CAMK1D: variants seen among roughly 807,000 people sequenced by gnomAD.
The protein encoded by CAMK1D is calcium/calmodulin-dependent protein kinase type 1D.
In CAMK1D, 9 loss-of-function variants were observed where a neutral mutation model predicts 47.7. The observed-to-expected ratio is 0.19, with a 90% CI of 0.11 to 0.33. CAMK1D has a LOEUF of 0.33. Ranked by LOEUF, CAMK1D falls within the 10% of genes least tolerant of loss-of-function variation. The pLI is 1.00. For missense variants in CAMK1D, 291 were observed against 488.7 expected, an observed-to-expected ratio of 0.60 and a Z score of 3.81; for synonymous variants, 184 against 184.9, an observed-to-expected ratio of 0.99 and a Z score of 0.04.
At position 12,373,956 on chromosome 10, in the gene CAMK1D, C is replaced by A. The variant is rs377323012; in HGVS notation, c.92+24046C>A. On this transcript the variant is annotated intron_variant, in intron 1 of 10. Transcript: ENST00000619168. ...TGGGCAAGACAGCGACACTCTTTAT[C>A]AAAAAAAAAAAAAAAAAAAAAGTCC... Among the ~76,000 whole-genome samples, 330 of 86,086 alleles carry A rather than the reference C, an allele frequency of 3.8e-3. 1 individual carries two copies. The highest frequency in any genetic ancestry group is 5.9e-3 in the Non-Finnish European group (270 of 45,646). The allele number at this position is 86,086 out of a possible 152,430, so 56.5% of individuals were successfully genotyped here. A position where few individuals can be genotyped will look rare whatever the true frequency, so the allele number is the denominator to read the frequency against.
intron 1 of CAMK1D, among the ~76,000 whole-genome samples, chr10:12,413,453 C>G (rs1839734265): frequency 7.1e-5 from 3 of 42,338 alleles, no homozygotes; most frequent in African/African-American, 2.8e-4. Context: ...AGAAGTCAGG[C>G]CCTGTTCTCT....
intron 4 of CAMK1D, among the ~76,000 whole-genome samples, chr10:12,766,765 G>T (rs902006902): frequency 2.6e-5 from 4 of 152,058 alleles, no homozygotes; most frequent in African/African-American, 9.6e-5. Flanking sequence ...GGGTGGGGTG[G>T]GTGAAGAACT....
At chr10:12,434,276 G>A (rs1832567231) in intron 1 of CAMK1D, among the ~76,000 whole-genome samples, 1 of 152,220 alleles carries the variant, frequency 6.6e-6, no homozygotes, top group South Asian at 2.1e-4. Flanking sequence ...AGTGTTTGGG[G>A]TTTGGAGTCA....
chr10:12,730,141 C>G (rs1225053624), intron 3 of CAMK1D, among the ~76,000 whole-genome samples: 1 of 152,108 alleles, frequency 6.6e-6, no homozygotes, highest in Admixed American at 6.6e-5. Flanking sequence ...CGGCAGTGAC[C>G]CAGTGACCGA....
chr10:12,670,714 T>C (rs1840588912), intron 3 of CAMK1D, among the ~76,000 whole-genome samples: 1 of 152,054 alleles, frequency 6.6e-6, no homozygotes, highest in Non-Finnish European at 1.5e-5. Flanking sequence ...TGCCCAGCTA[T>C]TTTTTGTATT....
chr10:12,589,214 A>G (rs1368199510), intron 2 of CAMK1D, among the ~76,000 whole-genome samples: 2 of 152,122 alleles, frequency 1.3e-5, no homozygotes, highest in Non-Finnish European at 2.9e-5. Context: ...GGGTTTCACC[A>G]TGTTGCCCAG....
intron 3 of CAMK1D, among the ~76,000 whole-genome samples, chr10:12,718,143 C>A (rs1425870759): frequency 4.6e-5 from 7 of 152,118 alleles, no homozygotes; most frequent in Non-Finnish European, 4.4e-5. Flanking sequence ...GCTCGTCAAA[C>A]CCGTGTGTCA....
intron 5 of CAMK1D, among the ~76,000 whole-genome samples, chr10:12,788,536 G>A (rs1428832295): frequency 1.3e-5 from 2 of 152,246 alleles, no homozygotes; most frequent in Non-Finnish European, 2.9e-5. Flanking sequence ...AGCCTTCTCT[G>A]CCTCAGGGAC....
intron 1 of CAMK1D, among the ~76,000 whole-genome samples, chr10:12,425,422 T>C (rs1418899229): frequency 6.6e-6 from 1 of 151,890 alleles, no homozygotes; most frequent in Non-Finnish European, 1.5e-5. Flanking sequence ...GCTGAGACTA[T>C]ACACGTGTGC....
chr10:12,558,158 G>A (rs1268164492), intron 2 of CAMK1D, among the ~76,000 whole-genome samples: 2 of 152,156 alleles, frequency 1.3e-5, no homozygotes, highest in African/African-American at 2.4e-5. Flanking sequence ...TATTTTATGC[G>A]GTATGGAATA....
intron 3 of CAMK1D, among the ~76,000 whole-genome samples, chr10:12,720,718 T>C (rs1834337051): frequency 6.6e-6 from 1 of 152,178 alleles, no homozygotes; most frequent in African/African-American, 2.4e-5. Context: ...AGTGAGAAGA[T>C]TATTTTTCCC....
At chr10:12,693,948 A>C (rs367574109) in intron 3 of CAMK1D, among the ~76,000 whole-genome samples, 6 of 76,798 alleles carry the variant, frequency 7.8e-5, no homozygotes, top group Middle Eastern at 6.5e-3. Context: ...TAAAATATAT[A>C]ATATATATTA....
chr10:12,514,745 C>T lies in CAMK1D; in HGVS notation c.93-38480C>T, dbSNP rs141194568. The stretch of plus-strand genomic sequence containing the variant: ...GCTTGAAAGAAGAAATGATATTATT[C>T]GCTTTCCCCACTCAATAAGAAGTGT... On this transcript the variant is annotated intron_variant, in intron 1 of 10. Transcript: ENST00000619168. Among the ~76,000 whole-genome samples, 537 of 152,348 alleles carry T rather than the reference C, an allele frequency of 3.5e-3. 3 individuals carry two copies. The highest frequency in any genetic ancestry group is 3.8e-3 in the Non-Finnish European group (260 of 68,028).
chr10:12,558,663 G>A (rs1367168900), intron 2 of CAMK1D, among the ~76,000 whole-genome samples: 1 of 152,092 alleles, frequency 6.6e-6, no homozygotes, highest in Admixed American at 6.5e-5. Flanking sequence ...AAGAGAGAGG[G>A]GGATGCATAG....
intron 2 of CAMK1D, among the ~76,000 whole-genome samples, chr10:12,626,504 C>T (rs1204345101): frequency 7.2e-6 from 1 of 139,162 alleles, no homozygotes; most frequent in Non-Finnish European, 1.5e-5. Flanking sequence ...GATGGAGTCT[C>T]ATTCTGTCTC....
chr10:12,625,485 C>T (rs917540599), intron 2 of CAMK1D, among the ~76,000 whole-genome samples: 5 of 151,058 alleles, frequency 3.3e-5, no homozygotes, highest in African/African-American at 1.2e-4. Context: ...CAGGCATGCA[C>T]CACCACGCCT....
intron 1 of CAMK1D, among the ~76,000 whole-genome samples, chr10:12,361,248 G>GTTTTTTTTTTTTTTTTTTTTT (rs55700646): frequency 8.3e-6 from 1 of 120,078 alleles, no homozygotes; most frequent in African/African-American, 2.9e-5. Context: ...CTATTTGACT[G>GTTTTTTTTTTTTTTTTTTTTT]TTTTTTTTTT....
At chr10:12,374,942 C>CA (rs71384315) in intron 1 of CAMK1D, among the ~76,000 whole-genome samples, 21,089 of 94,206 alleles carry the variant, frequency 0.22, 2,377 homozygotes, top group South Asian at 0.29. Flanking sequence ...GACTCCGTCT[C>CA]AAAAAAAAAA....
chr10:12,634,760 C>T (rs1412215610), intron 2 of CAMK1D, among the ~76,000 whole-genome samples: 3 of 152,100 alleles, frequency 2.0e-5, no homozygotes, highest in Non-Finnish European at 4.4e-5. Flanking sequence ...TTCCTGCCGG[C>T]CCATCAGCTT....
Sources: gnomAD v4.1 joint callset for allele counts (sites outside exome capture counted in the v4.1 genomes callset) on GRCh38, gnomAD v4.1.1 for gene constraint, MANE v1.5 for transcripts, NCBI Gene and HGNC (gene_info 2026-07-23, HGNC 2026-07-21) for gene names.